CARNS1: variants seen among roughly 807,000 people sequenced by gnomAD.
CARNS1 encodes the protein carnosine synthase 1, also known as ATP-grasp domain containing 1.
A neutral mutation model predicts 74.0 loss-of-function variants in CARNS1; 61 were observed. The ratio of observed to expected loss-of-function variants is 0.82; its 90% CI spans 0.67 to 1.02. The LOEUF is 1.02. CARNS1 is among the 50% of genes least tolerant of loss of function. CARNS1 has a pLI of 0.00. For synonymous variants in CARNS1, 568 were observed against 605.5 expected, an observed-to-expected ratio of 0.94 and a Z score of 0.91; for missense variants, 1,278 against 1,308.4, an observed-to-expected ratio of 0.98 and a Z score of 0.36.
Position 67,425,076 on chromosome 11 carries a change from A to G in CARNS1, c.*475A>G. 1 of 459,236 alleles carries G rather than the reference A, an allele frequency of 2.2e-6. No homozygotes were observed. The highest frequency in any genetic ancestry group is 4.4e-6 in the Non-Finnish European group (1 of 229,122). 28.4% of individuals were successfully genotyped at this position (459,236 alleles called of 1,614,324 possible). On this transcript the variant is annotated 3_prime_UTR_variant, in exon 10 of 10. Coordinates refer to ENST00000687366, the MANE Select transcript of CARNS1 (RefSeq NM_001166222.2). ...GTCTTCCTCTTACCCAAATTCTAGG[A>G]TAGCTCTGAAGCCTGCTGGAAACTT...
Position 67,419,767 on chromosome 11 carries a change from G to A in CARNS1, c.1042G>A (p.Gly348Ser), listed in dbSNP as rs747303499. 1.7e-5 allele frequency: 28 copies of A among 1,604,280 alleles called. No individual in the cohort carries two copies. The East Asian group carries it at 2.5e-4, about 14-fold the overall frequency. ...TCTTCCCCCAGATGGTCCTTCACCCGGCCCCGGCCTGGCCGTGCGAATCTG... is the reference window on the plus strand; with the variant it reads ...TCTTCCCCCAGATGGTCCTTCACCCAGCCCCGGCCTGGCCGTGCGAATCTG... Reference protein sequence around the residue: ...QLPCSDGPSPGPGLAVRICAV... With the variant: ...QLPCSDGPSPSPGLAVRICAV... Residue 348 changes from glycine (G) to serine (S), a missense_variant, in exon 7 of 10, where the codon GGC (glycine) becomes AGC (serine). By Grantham distance (56) the Gly-to-Ser change is moderately conservative. Transcript: ENST00000687366.
At chr11:67,416,555 T>C (rs1413923620) in intron 2 of CARNS1, 1 of 1,113,896 alleles carries the variant, frequency 9.0e-7, no homozygotes, top group South Asian at 2.4e-5. Flanking sequence ...ATTCTCTTCG[T>C]CCCAGCCTCA....
intron 2 of CARNS1, 96 bp from the exon 3 acceptor site, chr11:67,417,311 A>G (rs757124477): frequency 6.9e-5 from 87 of 1,263,202 alleles, no homozygotes; most frequent in Non-Finnish European, 8.3e-5. Context: ...CCCTGAACAT[A>G]GCCCAGGCTG....
Position 67,419,657 on chromosome 11 carries a change from C to A in CARNS1, c.1023C>A (p.Cys341Ter), listed in dbSNP as rs749260663. The change falls in exon 6 of 10, where the codon TGC becomes TGA. Residue 341 changes from cysteine (C) to a stop codon, truncating the protein, a stop_gained. Transcript: ENST00000687366. LOFTEE classifies it high-confidence loss of function. ...EAVYPPAQLP[C>*]SDGPSPGPGL... ...TGTACCCACCTGCCCAGCTGCCCTG[C>A]TCAGGTGAGAGCCACCTGGGCTGAC... is the stretch of plus-strand genomic sequence containing the variant. 6.3e-7 allele frequency: 1 copy of A among 1,594,090 alleles called. No homozygotes were observed. The highest frequency in any genetic ancestry group is 8.5e-7 in the Non-Finnish European group (1 of 1,170,984).
Position 67,420,942 on chromosome 11 carries a change from T to C in CARNS1, c.1349T>C (p.Val450Ala). 1 of 1,412,232 alleles carries C rather than the reference T, an allele frequency of 7.1e-7. No individual in the cohort carries two copies. The highest frequency in any genetic ancestry group is 9.2e-7 in the Non-Finnish European group (1 of 1,085,452). The allele number at this position is 1,412,232 out of a possible 1,614,324, so 87.5% of individuals were successfully genotyped here. A position where few individuals can be genotyped will look rare whatever the true frequency, so the allele number is the denominator to read the frequency against. ...TCGCGCCTCCCGCCCGGCGCAGGCG[T>C]GGATTTCGCGCTGACAGCGGCCGGC... ...GRRAHTDFLG[V>A]DFALTAAGGV... is the part of the protein sequence containing the mutation. Residue 450 changes from valine to alanine, a missense_variant, in exon 9 of 10, where the codon GTG becomes GCG. Physicochemically the swap from Val to Ala is moderately conservative, Grantham distance 64. Around this residue, in one of 3 missense-constraint regions of CARNS1, gnomAD observed 1,164 missense variants for 1,156.5 expected, o/e 1.01. Transcript: ENST00000687366.
intron 4 of CARNS1, 83 bp from the exon 5 acceptor site, chr11:67,418,673 G>C (rs892988431): frequency 2.7e-6 from 4 of 1,468,474 alleles, no homozygotes; most frequent in Non-Finnish European, 3.6e-6. Flanking sequence ...TCTGGGATCA[G>C]CTGCTTCCAC....
At chr11:67,417,103 G>A in intron 2 of CARNS1, 1 of 1,144,570 alleles carries the variant, frequency 8.7e-7, no homozygotes. Flanking sequence ...AGAAAACTCT[G>A]CTGCTGTGAA....
chr11:67,424,202 T>G lies in CARNS1; in HGVS notation c.2454T>G (p.Gly818=), dbSNP rs1863776899. Residue 818 remains glycine, a synonymous_variant, in exon 10 of 10, where the codon GGT becomes GGG. Coordinates refer to ENST00000687366, the MANE Select transcript of CARNS1 (RefSeq NM_001166222.2). ...PRLIEINPRM[G]GFYLRDWILE... ...TTATCGAGATCAACCCCCGCATGGG[T>G]GGCTTCTACCTGCGTGATTGGATCC... is the stretch of plus-strand genomic sequence containing the variant. 6.2e-7 allele frequency: 1 copy of G among 1,613,680 alleles called. No individual in the cohort carries two copies. Among genetic ancestry groups the G allele is most frequent in the Non-Finnish European group, 8.5e-7 (1 of 1,179,884 alleles).
Position 67,419,569 on chromosome 11 carries a change from T to G in CARNS1, c.935T>G (p.Val312Gly), listed in dbSNP as rs1355923721. The change falls in exon 6 of 10, where the codon GTG (valine) becomes GGG (glycine). Residue 312 changes from valine (V) to glycine (G), a missense_variant. By Grantham distance (109) the Val-to-Gly change is moderately radical. This residue lies in a region of CARNS1 where 1,164 missense variants were observed against 1,156.5 expected (regional missense o/e 1.01). Coordinates refer to ENST00000687366, the MANE Select transcript of CARNS1 (RefSeq NM_001166222.2). Reference protein sequence around the residue: ...LHPRAELGAVVDTVLALLEKL... With the variant: ...LHPRAELGAVGDTVLALLEKL... ...CCGCGGGCAGAGCTGGGTGCAGTGG[T>G]GGACACAGTGCTGGCGCTGCTGGAG... 1 of 1,606,886 alleles carries G rather than the reference T, an allele frequency of 6.2e-7. No homozygotes were observed.
Position 67,421,027 on chromosome 11 carries a change from C to T in CARNS1, c.1434C>T (p.Gly478=). 1 of 1,367,118 alleles carries T rather than the reference C, an allele frequency of 7.3e-7. No individual in the cohort carries two copies. Among genetic ancestry groups the T allele is most frequent in the Non-Finnish European group, 9.4e-7 (1 of 1,067,524 alleles). 84.7% of individuals were successfully genotyped at this position (1,367,118 alleles called of 1,614,324 possible). Residue 478 remains glycine, a synonymous_variant, in exon 9 of 10, where the codon GGC becomes GGT. Coordinates refer to ENST00000687366, the MANE Select transcript of CARNS1 (RefSeq NM_001166222.2). Reference sequence around the variant, plus strand: ...GCGGCCTGTGTCTGGAGGCGTGCGGCGCGCTGGAGGGGCTGTGGGCCGCGC... The same window carrying T: ...GCGGCCTGTGTCTGGAGGCGTGCGGTGCGCTGGAGGGGCTGTGGGCCGCGC... ...LNGGLCLEAC[G]ALEGLWAAPR...
At chr11:67,416,778 G>A in intron 2 of CARNS1, 1 of 986,344 alleles carries the variant, frequency 1.0e-6, no homozygotes, top group Non-Finnish European at 1.2e-6. Context: ...GAGAGGGGAG[G>A]GACGTTAGGT....
intron 1 of CARNS1, 129 bp downstream of exon 1, chr11:67,415,892 C>G (rs1231265467): frequency 3.7e-6 from 1 of 273,078 alleles, no homozygotes; most frequent in African/African-American, 2.2e-5. Context: ...CCCCCACCCC[C>G]GGGACCCGGT....
intron 9 of CARNS1, among the ~76,000 whole-genome samples, chr11:67,421,520 C>G (rs1261283691): frequency 6.6e-6 from 1 of 152,106 alleles, no homozygotes; most frequent in African/African-American, 2.4e-5. Flanking sequence ...CGAGGGACAG[C>G]GTTAGCGCCA....
intron 7 of CARNS1, 53 bp from the exon 8 acceptor site, chr11:67,420,556 T>C: frequency 8.8e-7 from 1 of 1,132,640 alleles, no homozygotes; most frequent in Non-Finnish European, 1.1e-6. Context: ...GGTGGGGGTG[T>C]GCGTGGGGGG....
At position 67,424,504 on chromosome 11, in the gene CARNS1, C is replaced by A. The variant is rs1379956608; in HGVS notation, c.2756C>A (p.Pro919His). Residue 919 changes from proline to histidine, a missense_variant, in exon 10 of 10, where the codon CCC becomes CAC. By Grantham distance (77) the Pro-to-His change is moderately conservative. This residue lies in a region of CARNS1 where 1,164 missense variants were observed against 1,156.5 expected (regional missense o/e 1.01). Coordinates refer to ENST00000687366, the MANE Select transcript of CARNS1 (RefSeq NM_001166222.2). ...YCSVACAGPS[P>H]TEARLRLLGL... ...AGTGTGGCCTGTGCCGGACCCAGCC[C>A]CACCGAGGCCCGTCTCCGCCTGCTG... The A allele has an allele frequency of 2.5e-6, 4 of 1,589,248 alleles. No individual in the cohort carries two copies. In the East Asian group the frequency reaches 6.9e-5, roughly 27 times the overall value.
intron 7 of CARNS1, among the ~76,000 whole-genome samples, chr11:67,420,320 G>A (rs1196814993): frequency 6.6e-6 from 1 of 151,904 alleles, no homozygotes; most frequent in East Asian, 1.9e-4. Flanking sequence ...CCAGGGAGAT[G>A]CTAGGGTGGG....
chr11:67,416,749 TG>T (rs1037634782), intron 2 of CARNS1: 2 of 985,938 alleles, frequency 2.0e-6, no homozygotes, highest in East Asian at 1.1e-4. Flanking sequence ...AGCCCCATAT[TG>T]GGGGGGCGCC....
chr11:67,420,420 C>A (rs1484749463), intron 7 of CARNS1, among the ~76,000 whole-genome samples, 189 bp from the exon 8 acceptor site: 2 of 152,216 alleles, frequency 1.3e-5, no homozygotes, highest in Non-Finnish European at 2.9e-5. Context: ...TAGGTAGAAT[C>A]CCTGGAGAGG....
At chr11:67,419,903 G>C in intron 7 of CARNS1, 65 bp downstream of exon 7, 1 of 1,498,906 alleles carries the variant, frequency 6.7e-7, no homozygotes, top group Non-Finnish European at 9.1e-7. Flanking sequence ...CCCAGTAGTG[G>C]TTTGCCAAGG....
Sources: allele counts gnomAD v4.1 joint callset (sites outside exome capture counted in the v4.1 genomes callset), GRCh38; gene constraint gnomAD v4.1.1; regional missense constraint gnomAD v4.1.1; transcripts MANE v1.5; gene names NCBI Gene and HGNC (gene_info 2026-07-23, HGNC 2026-07-21).